Variants in GCNT2 observed in about 807,000 individuals in gnomAD.
GCNT2 encodes N-acetyllactosaminide beta-1,6-N-acetylglucosaminyl-transferase.
A neutral mutation model predicts 34.2 loss-of-function variants in GCNT2; 34 were observed. The ratio of observed to expected loss-of-function variants is 1.00; its 90% CI spans 0.76 to 1.32. The LOEUF (loss-of-function observed/expected upper bound fraction) is 1.32. Ranked by LOEUF, GCNT2 falls within the 40% of genes most tolerant of loss-of-function variation. The pLI, the probability that GCNT2 is intolerant of heterozygous loss-of-function variation, is 0.00. For synonymous variants in GCNT2, 212 were observed against 188.0 expected (o/e 1.13, Z -1.04); for missense variants, 584 against 489.4 (o/e 1.19, Z -1.82).
rs929454815 is a variant in GCNT2 at position 10,610,866 on chromosome 6, T to C, written c.926-10485T>C. 3.3e-5 allele frequency among the ~76,000 whole-genome samples: 5 copies of C among 152,312 alleles called. No homozygotes were observed. In the East Asian group the frequency reaches 9.6e-4, roughly 29 times the overall value. ...ATAGCTTGGTAACGAGGGGGAGGCA[T>C]TAGGAAATTTTTGAAATCCATTCAA... On this transcript the variant is annotated intron_variant, in intron 3 of 4. Transcript: ENST00000495262.
intron 3 of GCNT2, among the ~76,000 whole-genome samples, chr6:10,536,641 A>G (rs1013703073): frequency 1.3e-5 from 2 of 150,872 alleles, no homozygotes; most frequent in Non-Finnish European, 2.9e-5. Flanking sequence ...GGCGTGAGCT[A>G]CCGTGCCCGG....
At chr6:10,560,187 C>G (rs1441897685) in intron 3 of GCNT2, among the ~76,000 whole-genome samples, 1 of 152,148 alleles carries the variant, frequency 6.6e-6, no homozygotes, top group African/African-American at 2.4e-5. Context: ...CTCCCGGGCT[C>G]AAGTGATTCT....
chr6:10,590,196 C>T (rs1030643058), intron 3 of GCNT2, among the ~76,000 whole-genome samples: 1 of 152,108 alleles, frequency 6.6e-6, no homozygotes, highest in Non-Finnish European at 1.5e-5. Context: ...TCAGGAGTTT[C>T]AGTCCAGCCT....
At position 10,599,663 on chromosome 6, in the gene GCNT2, T is replaced by G. The variant is rs371894944; in HGVS notation, c.926-21688T>G. Among the ~76,000 whole-genome samples the G allele has an allele frequency of 5.9e-5, 9 of 152,320 alleles. No individual in the cohort carries two copies. In the East Asian group the frequency reaches 7.7e-4, roughly 13 times the overall value. ...AAGAGTAGGGGGCTCACATCATGGC[T>G]TCTTGTAGCTTACGATCTTGGACAG... On this transcript the variant is annotated intron_variant, in intron 3 of 4. Coordinates refer to ENST00000495262, the MANE Select transcript of GCNT2 (RefSeq NM_145649.5).
intron 3 of GCNT2, among the ~76,000 whole-genome samples, chr6:10,548,852 T>C (rs914898729): frequency 2.6e-5 from 4 of 152,132 alleles, no homozygotes; most frequent in Admixed American, 6.6e-5. Flanking sequence ...CTCCACCTCC[T>C]GGGTTCAAGC....
rs1364452368 is a variant in GCNT2 at position 10,621,348 on chromosome 6, C to T, written c.926-3C>T. The stretch of plus-strand genomic sequence containing the variant: ...CTACGCTTCTTCTTTATCAACATTG[C>T]AGGTGTTCCTGGCTCTATGCCAAAT... On this transcript the variant is annotated splice_polypyrimidine_tract_variant and splice_region_variant and intron_variant, in intron 3 of 4. Coordinates refer to ENST00000495262, the MANE Select transcript of GCNT2 (RefSeq NM_145649.5). 1.3e-6 allele frequency: 2 copies of T among 1,588,448 alleles called. No individual in the cohort carries two copies. Among genetic ancestry groups the T allele is most frequent in the African/African-American group, 1.3e-5 (1 of 74,534 alleles).
chr6:10,602,533 A>G (rs1256786471), intron 3 of GCNT2, among the ~76,000 whole-genome samples: 1 of 152,252 alleles, frequency 6.6e-6, no homozygotes, highest in African/African-American at 2.4e-5. Flanking sequence ...TGCAATAGAT[A>G]GGGACTTAGT....
chr6:10,585,704 C>A, intron 3 of GCNT2: 2 of 1,184,468 alleles, frequency 1.7e-6, no homozygotes, highest in Non-Finnish European at 2.2e-6. Context: ...AGAGGCTGGA[C>A]TGGGCTGGGC....
intron 3 of GCNT2, among the ~76,000 whole-genome samples, chr6:10,600,941 C>G (rs1023434103): frequency 6.6e-6 from 1 of 152,052 alleles, no homozygotes; most frequent in Admixed American, 6.6e-5. Flanking sequence ...CAGGCGCATG[C>G]CACCACACCC....
At chr6:10,533,126 G>A (rs3843515) in intron 3 of GCNT2, among the ~76,000 whole-genome samples, 2,356 of 151,662 alleles carry the variant, frequency 0.016, 27 homozygotes, top group South Asian at 0.03. Flanking sequence ...GGCCAACATG[G>A]TGAAACCTAT....
chr6:10,620,582 T>A (rs1452272559), intron 3 of GCNT2, among the ~76,000 whole-genome samples: 1 of 152,026 alleles, frequency 6.6e-6, no homozygotes, highest in Non-Finnish European at 1.5e-5. Flanking sequence ...TAATTTTTTA[T>A]TTTTTGTAGA....
At chr6:10,597,662 C>G (rs1764915408) in intron 3 of GCNT2, among the ~76,000 whole-genome samples, 1 of 148,918 alleles carries the variant, frequency 6.7e-6, no homozygotes, top group African/African-American at 2.5e-5. Context: ...GGGTCTCACT[C>G]TGTTGCCCAG....
intron 3 of GCNT2, among the ~76,000 whole-genome samples, chr6:10,611,283 A>G (rs531695172): frequency 2.2e-4 from 5 of 22,908 alleles, no homozygotes; most frequent in Admixed American, 7.6e-4. Flanking sequence ...CAATTGATCA[A>G]TTGAACCAGT....
intron 3 of GCNT2, among the ~76,000 whole-genome samples, chr6:10,589,115 T>A (rs1764507213): frequency 7.2e-6 from 1 of 139,608 alleles, no homozygotes; most frequent in African/African-American, 2.7e-5. Flanking sequence ...GTGTGTGTGG[T>A]GTGTGTGTAT....
At chr6:10,578,648 G>A (rs113646237) in intron 3 of GCNT2, among the ~76,000 whole-genome samples, 3,289 of 151,852 alleles carry the variant, frequency 0.022, 105 homozygotes, top group African/African-American at 0.073. Context: ...GGGTTTCATC[G>A]TGTTAGCCAG....
At chr6:10,590,786 T>C (rs892237564) in intron 3 of GCNT2, among the ~76,000 whole-genome samples, 2 of 152,150 alleles carry the variant, frequency 1.3e-5, no homozygotes, top group East Asian at 3.9e-4. Context: ...TCTCCTGACC[T>C]CATGATCTGC....
At chr6:10,591,717 T>G (rs562588797) in intron 3 of GCNT2, among the ~76,000 whole-genome samples, 20 of 152,334 alleles carry the variant, frequency 1.3e-4, no homozygotes, top group African/African-American at 4.8e-4. Context: ...GCACTGGGCT[T>G]CTTCTCACTT....
chr6:10,600,421 C>G (rs73434944), intron 3 of GCNT2, among the ~76,000 whole-genome samples: 1,906 of 152,256 alleles, frequency 0.013, 46 homozygotes, highest in African/African-American at 0.043. Context: ...TATATACATA[C>G]AGTTCACTCT....
rs541521563 is a variant in GCNT2, at chr6:10,566,925, G to T, written c.925+37089G>T. Among the ~76,000 whole-genome samples, 69 of 152,266 alleles carry T rather than the reference G, an allele frequency of 4.5e-4. 2 individuals carry two copies. The South Asian group carries it at 0.012, about 27-fold the overall frequency. On this transcript the variant is annotated intron_variant, in intron 3 of 4. Transcript: ENST00000495262. The stretch of plus-strand genomic sequence containing the variant: ...CTCTTGATGGAGTTTGCTTCCCAAG[G>T]CTCACTAATGTTAAAGGACTGTATA...
Sources: allele counts gnomAD v4.1 joint callset (sites outside exome capture counted in the v4.1 genomes callset), GRCh38; gene constraint gnomAD v4.1.1; transcripts MANE v1.5; gene names NCBI Gene and HGNC (gene_info 2026-07-23, HGNC 2026-07-21).